The following POLR3H variants were observed in gnomAD, a reference collection of about 807,000 sequenced individuals.
POLR3H encodes RNA polymerase III subunit H, also known as DNA-directed RNA polymerase III subunit RPC8.
A neutral mutation model predicts 25.5 loss-of-function variants in POLR3H; 17 were observed. That is an observed-to-expected ratio of 0.67 (90% CI 0.46 to 1.00). The LOEUF (loss-of-function observed/expected upper bound fraction) is 1.00, where lower values mean the gene tolerates loss of function less well. Among genes scored for constraint, POLR3H ranks in the 50% least tolerant of loss-of-function variants. The pLI is 0.00. For synonymous variants in POLR3H, 129 were observed against 103.0 expected, an observed-to-expected ratio of 1.25 and a Z score of -1.53; for missense variants, 274 against 265.0, an observed-to-expected ratio of 1.03 and a Z score of -0.24.
rs759403718 is a variant in POLR3H at position 41,526,270 on chromosome 22, G to A, written c.*3013C>T. On this transcript the variant is annotated 3_prime_UTR_variant, in exon 6 of 6. Coordinates refer to ENST00000355209, the MANE Select transcript of POLR3H (RefSeq NM_001018050.4). ...TCTACTTACCACCCAAGGTCAAAGG[G>A]AAGTGTACCACTGACCACATCTCAG... is the stretch of plus-strand genomic sequence containing the variant. 21 of 1,611,778 alleles carry A rather than the reference G, an allele frequency of 1.3e-5. No homozygotes were observed. Among genetic ancestry groups the A allele is most frequent in the Admixed American group, 1.7e-5 (1 of 59,986 alleles).
At position 41,530,722 on chromosome 22, in the gene POLR3H, C is replaced by G; in HGVS notation, c.526G>C (p.Glu176Gln). ...TACGGAGCCTCCTTCTTTGGCAGCT[C>G]CTCACTGGAAGTGGTGGCATCTGCT... ...SSADATTSSE[E>Q]LPKKEAPYTL... The change falls in exon 5 of 6, where the codon GAG becomes CAG. Residue 176 changes from glutamate to glutamine, a missense_variant. Glu to Gln is a conservative substitution (Grantham distance 29). Coordinates refer to ENST00000355209, the MANE Select transcript of POLR3H (RefSeq NM_001018050.4). The G allele has an allele frequency of 6.2e-7, 1 of 1,613,778 alleles. No homozygotes were observed. Among genetic ancestry groups the G allele is most frequent in the South Asian group, 1.1e-5 (1 of 91,060 alleles).
intron 3 of POLR3H, 45 bp downstream of exon 3, chr22:41,532,614 C>A (rs770841716): frequency 1.2e-6 from 2 of 1,613,834 alleles, no homozygotes; most frequent in South Asian, 1.1e-5. Context: ...CTCCTGCCCC[C>A]ACAGTGTTCC....
Position 41,528,479 on chromosome 22 carries a change from C to A in POLR3H, c.*804G>T, listed in dbSNP as rs149528960. The A allele has an allele frequency of 1.2e-4, 199 of 1,611,868 alleles. No individual in the cohort carries two copies. Among genetic ancestry groups the A allele is most frequent in the Non-Finnish European group, 1.7e-4 (195 of 1,179,906 alleles). Reference sequence around the variant, plus strand: ...ACCCACACCCACCTTCTCCTTGCAGCCCCTGAAGTGCATCATCAAGCACCC... The same window carrying A: ...ACCCACACCCACCTTCTCCTTGCAGACCCTGAAGTGCATCATCAAGCACCC... On this transcript the variant is annotated 3_prime_UTR_variant, in exon 6 of 6. Transcript: ENST00000355209.
At chr22:41,529,822 C>T (rs1372608053) in intron 5 of POLR3H, 3 of 401,844 alleles carry the variant, frequency 7.5e-6, no homozygotes, top group South Asian at 1.8e-5. Flanking sequence ...GTGGCACGAT[C>T]TTGGCTCACT....
At chr22:41,541,506 A>G (rs993052334) in intron 1 of POLR3H, among the ~76,000 whole-genome samples, 1 of 152,254 alleles carries the variant, frequency 6.6e-6, no homozygotes, top group Admixed American at 6.5e-5. Context: ...CCCCACTTAG[A>G]ACCCTTGCAA....
Position 41,544,243 on chromosome 22 carries a change from G to C in POLR3H, c.-142C>G. 3.4e-6 allele frequency: 2 copies of C among 595,852 alleles called. No individual in the cohort carries two copies. Among genetic ancestry groups the C allele is most frequent in the South Asian group, 2.0e-5 (1 of 49,998 alleles). 36.9% of individuals were successfully genotyped at this position (595,852 alleles called of 1,614,324 possible). A position where few individuals can be genotyped will look rare whatever the true frequency, so the allele number is the denominator to read the frequency against. On this transcript the variant is annotated 5_prime_UTR_variant, in exon 1 of 6. Coordinates refer to ENST00000355209, the MANE Select transcript of POLR3H (RefSeq NM_001018050.4). ...CGGTGAGGTTGCACGGGGCGGTCTC[G>C]GGGGCCCGGTCCGGGCCATGCTCCG... is the stretch of plus-strand genomic sequence containing the variant.
At chr22:41,537,014 C>T (rs994406353) in intron 2 of POLR3H, among the ~76,000 whole-genome samples, 1 of 151,972 alleles carries the variant, frequency 6.6e-6, no homozygotes, top group Middle Eastern at 3.2e-3. Context: ...CACAAAGGAG[C>T]GCTGCTCTAG....
At chr22:41,538,944 T>C (rs1409303021) in intron 2 of POLR3H, among the ~76,000 whole-genome samples, 3 of 152,164 alleles carry the variant, frequency 2.0e-5, no homozygotes. Context: ...TGAGCTCGTG[T>C]GACAACCACC....
At chr22:41,542,959 C>T (rs942414566) in intron 1 of POLR3H, among the ~76,000 whole-genome samples, 2 of 152,158 alleles carry the variant, frequency 1.3e-5, no homozygotes, top group African/African-American at 4.8e-5. Context: ...GCCAAGATCG[C>T]TTCATTGCAC....
At chr22:41,541,249 G>A (rs774869407) in intron 1 of POLR3H, among the ~76,000 whole-genome samples, 7 of 152,130 alleles carry the variant, frequency 4.6e-5, no homozygotes, top group Admixed American at 6.6e-5. Context: ...CTGCCTAAAC[G>A]TGCACTCTCC....
In POLR3H at chr22:41,530,746, C is replaced by G; in HGVS notation, c.502G>C (p.Ala168Pro). ...VDTSPTGPSS[A>P]DATTSSEELP... ...TCCTCACTGGAAGTGGTGGCATCTGCTGAGCTGGGCCCTGTGGGGGACGTG... is the reference window on the plus strand; with the variant it reads ...TCCTCACTGGAAGTGGTGGCATCTGGTGAGCTGGGCCCTGTGGGGGACGTG... Residue 168 changes from alanine to proline, a missense_variant, in exon 5 of 6, where the codon GCA becomes CCA. By Grantham distance (27) the Ala-to-Pro change is conservative. Coordinates refer to ENST00000355209, the MANE Select transcript of POLR3H (RefSeq NM_001018050.4). 1.9e-6 allele frequency: 3 copies of G among 1,614,008 alleles called. No individual in the cohort carries two copies. The highest frequency in any genetic ancestry group is 2.5e-6 in the Non-Finnish European group (3 of 1,180,046).
intron 1 of POLR3H, 198 bp downstream of exon 1, chr22:41,543,793 T>G (rs754056025): frequency 2.7e-4 from 186 of 699,688 alleles, no homozygotes; most frequent in Non-Finnish European, 3.5e-5. Context: ...ATCTAACACT[T>G]CCAGTTACAA....
At chr22:41,534,082 C>G (rs752022061) in intron 2 of POLR3H, among the ~76,000 whole-genome samples, 1 of 151,794 alleles carries the variant, frequency 6.6e-6, no homozygotes, top group African/African-American at 2.4e-5. Flanking sequence ...GGTTGCAGTA[C>G]GCCAAGATCA....
intron 2 of POLR3H, among the ~76,000 whole-genome samples, chr22:41,533,090 A>T (rs2066773983): frequency 6.6e-6 from 1 of 152,216 alleles, no homozygotes; most frequent in Admixed American, 6.5e-5. Flanking sequence ...CAGGGTTTGG[A>T]AACTCCCACC....
chr22:41,530,855 G>A lies in POLR3H; in HGVS notation c.393C>T (p.Tyr131=), dbSNP rs140901049. The A allele has an allele frequency of 2.4e-3, 3,813 of 1,613,912 alleles. 4 individuals are homozygous for A. Among genetic ancestry groups the A allele is most frequent in the Non-Finnish European group, 2.9e-3 (3,368 of 1,180,018 alleles). Residue 131 remains tyrosine (Y), a synonymous_variant, in exon 5 of 6, where the codon TAC becomes TAT. Transcript: ENST00000355209. ...DEAEQVWVWE[Y]ETEEGAHDLY... is the part of the protein sequence containing the mutation. ...GGTCGTGTGCTCCTTCCTCCGTCTC[G>A]TACTCCCACACCCACACCTGCTCCG... is the stretch of plus-strand genomic sequence containing the variant.
rs1257607612 is a variant in POLR3H at position 41,540,717 on chromosome 22, C to T, written c.190G>A (p.Gly64Ser). Residue 64 changes from glycine (G) to serine (S), a missense_variant, in exon 2 of 6, where the codon GGC becomes AGC. Coordinates refer to ENST00000355209, the MANE Select transcript of POLR3H (RefSeq NM_001018050.4). ...TACCCACCTTTGGTGTGTGATGCGC[C>T]ATCCCCAGGGAATACATAGGCATCC... is the stretch of plus-strand genomic sequence containing the variant. The part of the protein sequence containing the change: ...LEDAYVFPGD[G>S]ASHTKVHFRC... 3 of 1,613,732 alleles carry T rather than the reference C, an allele frequency of 1.9e-6. No homozygotes were observed. The highest frequency in any genetic ancestry group is 2.5e-6 in the Non-Finnish European group (3 of 1,179,740).
intron 2 of POLR3H, among the ~76,000 whole-genome samples, chr22:41,533,296 C>T (rs1280179170): frequency 6.6e-6 from 1 of 152,226 alleles, no homozygotes; most frequent in Non-Finnish European, 1.5e-5. Context: ...ACATCGCACA[C>T]TCTGACCCCA....
intron 2 of POLR3H, among the ~76,000 whole-genome samples, chr22:41,537,424 C>T (rs1031065169): frequency 1.3e-5 from 2 of 152,166 alleles, no homozygotes; most frequent in African/African-American, 4.8e-5. Flanking sequence ...AGCACTGGCT[C>T]AGTGACAGCC....
chr22:41,544,350 C>CCGCCACGCCACGCCA lies in POLR3H; in HGVS notation c.-264_-250dup, dbSNP rs1191533893. The CCGCCACGCCACGCCA allele has an allele frequency of 1.3e-3, 505 of 379,140 alleles. No homozygotes were observed. The highest frequency in any genetic ancestry group is 4.9e-3 in the South Asian group (116 of 23,502). The allele number at this position is 379,140 out of a possible 1,614,324, so 23.5% of individuals were successfully genotyped here. A position where few individuals can be genotyped will look rare whatever the true frequency, so the allele number is the denominator to read the frequency against. On this transcript the variant is annotated 5_prime_UTR_variant, in exon 1 of 6. Transcript: ENST00000355209. ...GGGTGCGCGCCCGCGCCGCGAGACCCCGCCACGCCACGCCACTCCACGCCA... is the reference window on the plus strand; with the variant it reads ...GGGTGCGCGCCCGCGCCGCGAGACCCCGCCACGCCACGCCACGCCACGCCACGCCACTCCACGCCA...
Sources: gnomAD v4.1 joint callset for allele counts (sites outside exome capture counted in the v4.1 genomes callset) on GRCh38, gnomAD v4.1.1 for gene constraint, MANE v1.5 for transcripts, NCBI Gene and HGNC (gene_info 2026-07-23, HGNC 2026-07-21) for gene names.